Variants in CYBB observed in about 807,000 individuals in gnomAD.
The protein encoded by CYBB is NADPH oxidase 2.
Under a neutral mutation model 46.5 loss-of-function variants are expected in CYBB, and 5 were observed. The observed-to-expected ratio is 0.11, with a 90% CI of 0.06 to 0.23. The LOEUF is 0.23. Ranked by LOEUF, CYBB falls within the 10% of genes least tolerant of loss-of-function variation. The pLI is 1.00. For synonymous variants in CYBB, 183 were observed against 156.7 expected, an observed-to-expected ratio of 1.17 and a Z score of -1.26; for missense variants, 307 against 428.3, an observed-to-expected ratio of 0.72 and a Z score of 2.50.
chrX:37,788,282 TC>T (rs1929119256), intron 3 of CYBB, among the ~76,000 whole-genome samples: 1 of 111,948 alleles, frequency 8.9e-6, no homozygotes, highest in African/African-American at 3.3e-5. Context: ...CAGTGAATTT[TC>T]CCCAAAAAAT....
intron 2 of CYBB, 62 bp downstream of exon 2, chrX:37,782,245 G>A (rs1928967744): frequency 1.3e-6 from 1 of 777,458 alleles, no homozygotes; most frequent in African/African-American, 2.0e-5. Flanking sequence ...AGACATTCTT[G>A]TTCATCTTCC....
intron 5 of CYBB, among the ~76,000 whole-genome samples, chrX:37,794,271 AT>A (rs1929256698): frequency 9.0e-6 from 1 of 111,585 alleles, no homozygotes; most frequent in East Asian, 2.8e-4. Context: ...GAATGCAAGG[AT>A]TTTCTCTGGA....
At chrX:37,783,431 G>C in intron 2 of CYBB, 59 bp from the exon 3 acceptor site, 1 of 758,529 alleles carries the variant, frequency 1.3e-6, no homozygotes, top group Non-Finnish European at 2.1e-6. Context: ...GGGGAAGTGG[G>C]GACAGGGCAT....
At chrX:37,802,117 G>A (rs1929458566) in intron 8 of CYBB, among the ~76,000 whole-genome samples, 2 of 111,990 alleles carry the variant, frequency 1.8e-5, no homozygotes, top group Admixed American at 1.9e-4. Flanking sequence ...AAACCCTACT[G>A]TGGGTTATTT....
intron 3 of CYBB, among the ~76,000 whole-genome samples, chrX:37,790,185 G>A (rs1037470537): frequency 2.7e-5 from 3 of 112,011 alleles, no homozygotes; most frequent in South Asian, 7.3e-4. Context: ...TGGTGTGATC[G>A]AGCCCAATGA....
chrX:37,810,959 A>AAATGCTCAAAT lies in CYBB; in HGVS notation c.*49_*59dup. ...GGAAATAAATGTGGGTTGTGCTGCC[A>AAATGCTCAAAT]AATGCTCAAATAATGCTAATTGATA... On this transcript the variant is annotated 3_prime_UTR_variant, in exon 13 of 13. Coordinates refer to ENST00000378588, the MANE Select transcript of CYBB (RefSeq NM_000397.4). 1 of 1,141,149 alleles carries AAATGCTCAAAT rather than the reference A, an allele frequency of 8.8e-7. No individual in the cohort carries two copies. Among genetic ancestry groups the AAATGCTCAAAT allele is most frequent in the Middle Eastern group, 2.4e-4 (1 of 4,163 alleles). The allele number at this position is 1,141,149 out of a possible 1,213,427, so 94.0% of individuals were successfully genotyped here.
chrX:37,795,073 G>A (rs1258160870), intron 5 of CYBB, among the ~76,000 whole-genome samples: 1 of 111,595 alleles, frequency 9.0e-6, no homozygotes, highest in African/African-American at 3.3e-5. Context: ...GCTCTATTCA[G>A]TTGTTCCTGG....
chrX:37,785,410 C>CA (rs1929043819), intron 3 of CYBB, among the ~76,000 whole-genome samples: 1 of 112,297 alleles, frequency 8.9e-6, no homozygotes, highest in South Asian at 3.6e-4. Context: ...CAAGGATTTC[C>CA]AAAAAATCTT....
At chrX:37,805,548 T>A (rs782053598) in intron 10 of CYBB, among the ~76,000 whole-genome samples, 1 of 112,006 alleles carries the variant, frequency 8.9e-6, no homozygotes, top group South Asian at 3.7e-4. Flanking sequence ...CATGTCCTGC[T>A]TTTAAAAAAA....
chrX:37,800,576 A>G (rs907813875), intron 7 of CYBB, among the ~76,000 whole-genome samples: 1 of 111,845 alleles, frequency 8.9e-6, no homozygotes, highest in Non-Finnish European at 1.9e-5. Context: ...GTATTAAACT[A>G]GAAGTCCAAT....
At chrX:37,791,395 G>A (rs1556466926) in intron 3 of CYBB, among the ~76,000 whole-genome samples, 2 of 112,016 alleles carry the variant, frequency 1.8e-5, no homozygotes, top group Admixed American at 9.4e-5. Context: ...AGTTGCAGAA[G>A]CTCTTGGTAA....
At chrX:37,789,094 C>G (rs1556466226) in intron 3 of CYBB, among the ~76,000 whole-genome samples, 1 of 111,194 alleles carries the variant, frequency 9.0e-6, no homozygotes, top group Non-Finnish European at 1.9e-5. Context: ...CATCTAGGGT[C>G]CACTCAAATC....
chrX:37,796,402 A>C lies in CYBB; in HGVS notation c.674+261A>C, dbSNP rs35959988. 0.041 allele frequency among the ~76,000 whole-genome samples: 4,611 copies of C among 111,853 alleles called. 237 individuals carry two copies. The highest frequency in any genetic ancestry group is 0.14 in the African/African-American group (4,312 of 30,701). ...CACCAAAGTCTGAGTATCTTTGCAA[A>C]TGTATAAAACATATTGAGAGCACTG... is the stretch of plus-strand genomic sequence containing the variant. On this transcript the variant is annotated intron_variant, in intron 6 of 12. Transcript: ENST00000378588.
chrX:37,794,304 G>A (rs1044329977), intron 5 of CYBB, among the ~76,000 whole-genome samples: 4 of 111,498 alleles, frequency 3.6e-5, no homozygotes, highest in Non-Finnish European at 7.5e-5. Flanking sequence ...CAGGAATTGG[G>A]GGTAGTTCTC....
At chrX:37,798,841 T>C in intron 6 of CYBB, 114 bp from the exon 7 acceptor site, 1 of 783,285 alleles carries the variant, frequency 1.3e-6, no homozygotes, top group Non-Finnish European at 1.9e-6. Context: ...GCTATCGCTT[T>C]TAAGTGAAAA....
In CYBB at chrX:37,801,309, G is replaced by A; in HGVS notation, c.858G>A (p.Val286=). The A allele has an allele frequency of 8.3e-7, 1 of 1,208,260 alleles. No homozygotes were observed. Among genetic ancestry groups the A allele is most frequent in the South Asian group, 1.8e-5 (1 of 56,922 alleles). ...PMFLYLCERL[V]RFWRSQQKVV... is the part of the protein sequence containing the mutation. Reference sequence around the variant, plus strand: ...TTCTGTATCTCTGTGAGAGGTTGGTGCGGTTTTGGCGATCTCAACAGAAGG... The same window carrying A: ...TTCTGTATCTCTGTGAGAGGTTGGTACGGTTTTGGCGATCTCAACAGAAGG... Residue 286 remains valine (V), a synonymous_variant, in exon 8 of 13, where the codon GTG becomes GTA. Transcript: ENST00000378588.
chrX:37,781,931 G>A (rs1257221060), intron 1 of CYBB, among the ~76,000 whole-genome samples, 157 bp from the exon 2 acceptor site: 1 of 111,841 alleles, frequency 8.9e-6, no homozygotes, highest in East Asian at 2.8e-4. Context: ...TGACACTGTT[G>A]AGGAAAGAGC....
At position 37,812,755 on chromosome X, in the gene CYBB, G is replaced by A. The variant is rs1929700812; in HGVS notation, c.*1838G>A. ...GTAGGTCTGACAAATAAGGCCTGCT[G>A]TGCGAATATAGCCTTTCTGAAATGT... On this transcript the variant is annotated 3_prime_UTR_variant, in exon 13 of 13. Coordinates refer to ENST00000378588, the MANE Select transcript of CYBB (RefSeq NM_000397.4). 1 of 111,895 alleles carries A rather than the reference G, an allele frequency of 8.9e-6. No homozygotes were observed. The allele number at this position is 111,895 out of a possible 1,213,427, so 9.2% of individuals were successfully genotyped here.
rs1556472670 is a variant in CYBB, at chrX:37,809,567, G to T, written c.1462G>T (p.Ala488Ser). Residue 488 changes from alanine to serine, a missense_variant and splice_region_variant, in exon 12 of 13, where the codon GCC becomes TCC. By Grantham distance (99) the Ala-to-Ser change is moderately conservative (BLOSUM62 1). Coordinates refer to ENST00000378588, the MANE Select transcript of CYBB (RefSeq NM_000397.4). ...TCTGAATTCATGTCCTTTCCTGTAG[G>T]CCAATCACTTTGCTGTGCACCATGA... ...IYLTGWDESQ[A>S]NHFAVHHDEE... 8.3e-7 allele frequency: 1 copy of T among 1,198,085 alleles called. No homozygotes were observed. Among genetic ancestry groups the T allele is most frequent in the Admixed American group, 2.2e-5 (1 of 44,496 alleles).
Sources: gnomAD v4.1 joint callset for allele counts (sites outside exome capture counted in the v4.1 genomes callset) on GRCh38, gnomAD v4.1.1 for gene constraint, MANE v1.5 for transcripts, NCBI Gene and HGNC (gene_info 2026-07-23, HGNC 2026-07-21) for gene names.